Variants in FILIP1L observed in about 807,000 individuals in gnomAD.
FILIP1L encodes filamin A interacting protein 1 like.
Under a neutral mutation model 96.6 loss-of-function variants are expected in FILIP1L, and 55 were observed. The observed-to-expected ratio is 0.57, with a 90% CI of 0.46 to 0.71. The LOEUF (loss-of-function observed/expected upper bound fraction) is 0.71, where lower values mean the gene tolerates loss of function less well. Ranked by LOEUF, FILIP1L falls within the 30% of genes least tolerant of loss-of-function variation. The pLI, the probability that FILIP1L is intolerant of heterozygous loss-of-function variation, is 0.00. For synonymous variants in FILIP1L, 467 were observed against 473.9 expected, an observed-to-expected ratio of 0.99 and a Z score of 0.19; for missense variants, 1,304 against 1,321.2, an observed-to-expected ratio of 0.99 and a Z score of 0.20.
chr3:99,993,990 A>T (rs183428843), intron 1 of FILIP1L, among the ~76,000 whole-genome samples: 17 of 152,266 alleles, frequency 1.1e-4, no homozygotes, highest in Non-Finnish European at 1.9e-4. Context: ...TCATAGAATA[A>T]GTTAGGGAGA....
At chr3:100,003,925 A>G (rs546517343) in intron 1 of FILIP1L, among the ~76,000 whole-genome samples, 13 of 152,360 alleles carry the variant, frequency 8.5e-5, no homozygotes, top group African/African-American at 3.1e-4. Context: ...TGTGCAAACA[A>G]GTCTTCTCAG....
At chr3:99,924,012 G>C (rs1199408006) in intron 4 of FILIP1L, among the ~76,000 whole-genome samples, 1 of 152,190 alleles carries the variant, frequency 6.6e-6, no homozygotes, top group African/African-American at 2.4e-5. Flanking sequence ...TCAAGAGTTA[G>C]GGGCCTAACA....
chr3:99,848,563 C>T lies in FILIP1L; in HGVS notation c.3113G>A (p.Arg1038Gln), dbSNP rs182963235. 16 of 1,614,138 alleles carry T rather than the reference C, an allele frequency of 9.9e-6. No individual in the cohort carries two copies. In the East Asian group the frequency reaches 1.6e-4, roughly 16 times the overall value. Residue 1038 changes from arginine to glutamine, a missense_variant, in exon 5 of 6, where the codon CGG becomes CAG. Physicochemically the swap from Arg to Gln is conservative, Grantham distance 43. Coordinates refer to ENST00000477258, the MANE Select transcript of FILIP1L (RefSeq NM_001387850.1). ...ACGCTGAAACTGCCATGATGACTGCCGGTCTGGGGAGACTCTGAATATCGC... is the reference window on the plus strand; with the variant it reads ...ACGCTGAAACTGCCATGATGACTGCTGGTCTGGGGAGACTCTGAATATCGC... ...KHAIFRVSPD[R>Q]QSSWQFQRSN...
At chr3:99,988,664 T>A (rs1576623855) in intron 1 of FILIP1L, among the ~76,000 whole-genome samples, 1 of 152,192 alleles carries the variant, frequency 6.6e-6, no homozygotes, top group South Asian at 2.1e-4. Context: ...TGACTGGTAG[T>A]TAGATGATGC....
intron 1 of FILIP1L, among the ~76,000 whole-genome samples, chr3:99,999,917 A>T (rs556774713): frequency 1.3e-5 from 2 of 152,214 alleles, no homozygotes; most frequent in Admixed American, 1.3e-4. Flanking sequence ...ATATTGGACT[A>T]TGGGCCTCTG....
chr3:99,973,660 TAAG>T (rs1385431397), intron 1 of FILIP1L, among the ~76,000 whole-genome samples: 13 of 152,178 alleles, frequency 8.5e-5, no homozygotes. Flanking sequence ...ACCACTTCTG[TAAG>T]AAGAATAATA....
intron 5 of FILIP1L, among the ~76,000 whole-genome samples, chr3:99,842,481 GAAAT>G (rs1004539876): frequency 1.7e-5 from 2 of 119,194 alleles, no homozygotes; most frequent in South Asian, 2.8e-4. Flanking sequence ...AAAACCTATT[GAAAT>G]AAATAAATTA....
At chr3:99,891,656 A>T (rs371074914) in intron 4 of FILIP1L, among the ~76,000 whole-genome samples, 1 of 152,340 alleles carries the variant, frequency 6.6e-6, no homozygotes, top group East Asian at 1.9e-4. Context: ...CATTAGAACA[A>T]TAATAATCTC....
At chr3:99,957,320 G>A (rs1222982752) in intron 1 of FILIP1L, among the ~76,000 whole-genome samples, 2 of 152,024 alleles carry the variant, frequency 1.3e-5, no homozygotes, top group Non-Finnish European at 2.9e-5. Context: ...CATATTCTAA[G>A]CATTAACAGA....
At chr3:100,014,895 C>CTTTTTTTTTTTTTTTTTTTTTTTTTCTT (rs1233573719) in intron 1 of FILIP1L, among the ~76,000 whole-genome samples, 1 of 25,006 alleles carries the variant, frequency 4.0e-5, no homozygotes, top group Non-Finnish European at 7.0e-5. Flanking sequence ...TTCTTTCTTT[C>CTTTTTTTTTTTTTTTTTTTTTTTTTCTT]TTTTTTTTTT....
chr3:100,087,615 A>G (rs1225707308), intron 1 of FILIP1L, among the ~76,000 whole-genome samples: 1 of 152,076 alleles, frequency 6.6e-6, no homozygotes, highest in Non-Finnish European at 1.5e-5. Flanking sequence ...TTATTTATAT[A>G]TTCTGAATAC....
chr3:99,838,869 A>G (rs1017156065), intron 5 of FILIP1L, among the ~76,000 whole-genome samples: 2 of 152,120 alleles, frequency 1.3e-5, no homozygotes, highest in Admixed American at 1.3e-4. Flanking sequence ...ATGTTACCTC[A>G]CTATGCAGAA....
At chr3:100,022,623 A>C (rs566811696) in intron 1 of FILIP1L, among the ~76,000 whole-genome samples, 1 of 152,350 alleles carries the variant, frequency 6.6e-6, no homozygotes, top group Admixed American at 6.5e-5. Flanking sequence ...AGGGATACCC[A>C]GAAACTGGCC....
intron 4 of FILIP1L, among the ~76,000 whole-genome samples, chr3:99,887,573 G>A (rs1045244633): frequency 2.0e-5 from 3 of 152,156 alleles, no homozygotes; most frequent in African/African-American, 7.2e-5. Flanking sequence ...ACAGACAGTC[G>A]GGTGCCATCA....
At chr3:99,927,558 G>A (rs192045351) in intron 3 of FILIP1L, among the ~76,000 whole-genome samples, 271 of 151,818 alleles carry the variant, frequency 1.8e-3, no homozygotes, top group African/African-American at 6.2e-3. Flanking sequence ...TAGTAGAAAC[G>A]GGCTTTCTTC....
chr3:99,836,453 G>T (rs2107495730), intron 5 of FILIP1L, among the ~76,000 whole-genome samples: 1 of 152,260 alleles, frequency 6.6e-6, no homozygotes, highest in East Asian at 1.9e-4. Context: ...TGGTAGAGTT[G>T]AAATTTTGGA....
rs1436536517 is a variant in FILIP1L, at chr3:99,850,697, G to A, written c.979C>T (p.Leu327=). 1 of 1,614,004 alleles carries A rather than the reference G, an allele frequency of 6.2e-7. No homozygotes were observed. Among genetic ancestry groups the A allele is most frequent in the Admixed American group, 1.7e-5 (1 of 59,994 alleles). The change falls in exon 5 of 6, where the codon CTG becomes TTG. Residue 327 remains leucine, a synonymous_variant. Coordinates refer to ENST00000477258, the MANE Select transcript of FILIP1L (RefSeq NM_001387850.1). ...DSQNRQLQQK[L]AALSRQIDEL... is the part of the protein sequence containing the mutation. ...TCAATCTGCCGGCTGAGTGCTGCCA[G>A]CTTTTGTTGAAGCTGGCGATTTTGA...
chr3:100,018,197 G>A (rs557108696), intron 1 of FILIP1L, among the ~76,000 whole-genome samples: 148 of 152,196 alleles, frequency 9.7e-4, no homozygotes, highest in African/African-American at 3.4e-3. Context: ...GTGGTGGCAT[G>A]TCCCTGTAAT....
At chr3:99,845,776 T>C (rs1019210647) in intron 5 of FILIP1L, among the ~76,000 whole-genome samples, 2 of 152,198 alleles carry the variant, frequency 1.3e-5, no homozygotes, top group African/African-American at 4.8e-5. Context: ...GTAACACTTG[T>C]AATAATCTAC....
Sources: gnomAD v4.1 joint callset for allele counts (sites outside exome capture counted in the v4.1 genomes callset) on GRCh38, gnomAD v4.1.1 for gene constraint, MANE v1.5 for transcripts, NCBI Gene and HGNC (gene_info 2026-07-23, HGNC 2026-07-21) for gene names.